The following LIMS2 variants were observed in gnomAD, a reference collection of about 807,000 sequenced individuals.
LIMS2 encodes LIM and senescent cell antigen-like-containing domain protein 2.
Under a neutral mutation model 45.3 loss-of-function variants are expected in LIMS2, and 30 were observed. The ratio of observed to expected loss-of-function variants is 0.66; its 90% confidence interval spans 0.50 to 0.90. The LOEUF (loss-of-function observed/expected upper bound fraction) is 0.90, where lower values mean the gene tolerates loss of function less well. LIMS2 is among the 40% of genes least tolerant of loss of function. The probability of loss-of-function intolerance (pLI) is 0.00; values close to 1 mark genes in which losing one functional copy is unlikely to be tolerated. For synonymous variants in LIMS2, 173 were observed against 188.0 expected, an observed-to-expected ratio of 0.92 and a Z score of 0.65; for missense variants, 485 against 468.7, an observed-to-expected ratio of 1.03 and a Z score of -0.32.
chr2:127,675,613 C>T (rs1685477248), upstream of LIMS2, among the ~76,000 whole-genome samples: 1 of 151,996 alleles, frequency 6.6e-6, no homozygotes, highest in Admixed American at 6.5e-5. Context: ...CACAGCCCCG[C>T]CGGGACGCCC....
chr2:127,658,934 T>C (rs760083790), intron 1 of LIMS2, among the ~76,000 whole-genome samples: 1 of 152,068 alleles, frequency 6.6e-6, no homozygotes, highest in Non-Finnish European at 1.5e-5. Flanking sequence ...CGCGACATCA[T>C]GAGGGAAATG....
At position 127,664,422 on chromosome 2, in the gene LIMS2, G is replaced by T; in HGVS notation, c.12-6860C>A. The T allele has an allele frequency of 2.5e-6, 3 of 1,192,790 alleles. No homozygotes were observed. The highest frequency in any genetic ancestry group is 3.1e-6 in the Non-Finnish European group (3 of 962,804). 73.9% of individuals were successfully genotyped at this position (1,192,790 alleles called of 1,614,324 possible). A position where few individuals can be genotyped will look rare whatever the true frequency, so the allele number is the denominator to read the frequency against. On this transcript the variant is annotated intron_variant, in intron 1 of 9. Transcript: ENST00000355119. This position sits in a 1 kb window ranked among gnomAD's most constrained non-coding sequence, Gnocchi z 5.5. ...GCAGCCGCCTTGAGGTCGCGGGCGC[G>T]GGCCGCCTGGTGCAGGGGCTATGGG... is the stretch of plus-strand genomic sequence containing the variant.
chr2:127,673,645 C>G, intron 1 of LIMS2: 1 of 1,548,822 alleles, frequency 6.5e-7, no homozygotes, highest in Non-Finnish European at 8.7e-7. Flanking sequence ...CTCGACATCC[C>G]TCCTGTGCCT....
In LIMS2 at chr2:127,672,805, G is replaced by T. The variant is rs951773639; in HGVS notation, c.11+2209C>A. On this transcript the variant is annotated intron_variant, in intron 1 of 9. Coordinates refer to ENST00000355119, the MANE Select transcript of LIMS2 (RefSeq NM_001161403.3). This position sits in a 1 kb window ranked among gnomAD's most constrained non-coding sequence, Gnocchi z 4.9. Reference sequence around the variant, plus strand: ...CACAGCCCTCCCTCTGCTCTTGCCTGGTGAGGTCCTAGGGAGAGCTGGCAG... The same window carrying T: ...CACAGCCCTCCCTCTGCTCTTGCCTTGTGAGGTCCTAGGGAGAGCTGGCAG... 1.1e-4 allele frequency among the ~76,000 whole-genome samples: 17 copies of T among 152,234 alleles called. No homozygotes were observed. The highest frequency in any genetic ancestry group is 1.9e-4 in the Non-Finnish European group (13 of 68,036).
chr2:127,650,783 C>T, intron 4 of LIMS2: 2 of 1,613,920 alleles, frequency 1.2e-6, no homozygotes, highest in South Asian at 2.2e-5. Flanking sequence ...CCAACTTCTC[C>T]CTGGCCACGG....
chr2:127,678,526 G>A (rs1685549352), upstream of LIMS2, among the ~76,000 whole-genome samples: 3 of 152,216 alleles, frequency 2.0e-5, no homozygotes, highest in South Asian at 6.2e-4. The surrounding 1 kb of genome is among the most constrained non-coding windows in gnomAD (Gnocchi z 5.3). Context: ...GAGCGTCCAG[G>A]AGGGACTGGT....
At chr2:127,660,339 G>A (rs1001710736) in intron 1 of LIMS2, among the ~76,000 whole-genome samples, 2 of 152,150 alleles carry the variant, frequency 1.3e-5, no homozygotes, top group African/African-American at 4.8e-5. Context: ...TGCTTGGTGT[G>A]GAAAGTTTGT....
At chr2:127,660,900 A>G (rs1004654245) in intron 1 of LIMS2, among the ~76,000 whole-genome samples, 1 of 126,788 alleles carries the variant, frequency 7.9e-6, no homozygotes, top group East Asian at 2.7e-4. Context: ...GGCCGACAGT[A>G]TCGCACAAAG....
Position 127,640,591 on chromosome 2 carries a change from C to T in LIMS2, c.754-273G>A, listed in dbSNP as rs552910455. 5 of 599,622 alleles carry T rather than the reference C, an allele frequency of 8.3e-6. No homozygotes were observed. The Admixed American group carries it at 8.8e-5, about 11-fold the overall frequency. 37.1% of individuals were successfully genotyped at this position (599,622 alleles called of 1,614,324 possible). ...AGGAGGTGGGCCCAGGTGGTGACTG[C>T]ATCCCACCAGCGCCCCCTGCCTTCT... On this transcript the variant is annotated intron_variant, in intron 7 of 9. Transcript: ENST00000355119.
chr2:127,663,315 C>T (rs1684797280), intron 1 of LIMS2, among the ~76,000 whole-genome samples: 1 of 152,210 alleles, frequency 6.6e-6, no homozygotes, highest in African/African-American at 2.4e-5. Flanking sequence ...CCCACCTGAA[C>T]AGCAGGCTGC....
Position 127,640,118 on chromosome 2 carries a change from C to A in LIMS2, c.830G>T (p.Cys277Phe). ...GGTGGAGCAGGAGAAGCAGCTCACACACCAGGCCTTGTTGAGGGCCGACAC... is the reference window on the plus strand; with the variant it reads ...GGTGGAGCAGGAGAAGCAGCTCACAAACCAGGCCTTGTTGAGGGCCGACAC... Reference protein sequence around the residue: ...DVVSALNKAWCVSCFSCSTCN... With the variant: ...DVVSALNKAWFVSCFSCSTCN... The change falls in exon 9 of 10, where the codon TGT becomes TTT. Residue 277 changes from cysteine (C) to phenylalanine (F), a missense_variant. Physicochemically the swap from Cys to Phe is radical, Grantham distance 205. Transcript: ENST00000355119. The A allele has an allele frequency of 1.9e-6, 3 of 1,613,508 alleles. No homozygotes were observed. Among genetic ancestry groups the A allele is most frequent in the South Asian group, 2.2e-5 (2 of 91,074 alleles).
chr2:127,678,381 T>C (rs1685546113), upstream of LIMS2, among the ~76,000 whole-genome samples: 1 of 151,978 alleles, frequency 6.6e-6, no homozygotes, highest in Non-Finnish European at 1.5e-5. This position sits in a 1 kb window ranked among gnomAD's most constrained non-coding sequence, Gnocchi z 5.3. Context: ...ATCTAGGTGG[T>C]GGGTATCTGG....
At chr2:127,645,155 T>C (rs1057322682) in intron 4 of LIMS2, among the ~76,000 whole-genome samples, 1 of 152,224 alleles carries the variant, frequency 6.6e-6, no homozygotes, top group African/African-American at 2.4e-5. Context: ...CTACTGTTTG[T>C]TGATGGGTGA....
At chr2:127,670,882 C>T (rs1164576437) in intron 1 of LIMS2, among the ~76,000 whole-genome samples, 1 of 152,212 alleles carries the variant, frequency 6.6e-6, no homozygotes, top group Non-Finnish European at 1.5e-5. Context: ...ATGAGTTTCC[C>T]GTGTATTCCT....
intron 6 of LIMS2, 184 bp from the exon 7 acceptor site, chr2:127,641,172 G>A (rs1682366977): frequency 1.7e-6 from 1 of 590,248 alleles, no homozygotes; most frequent in Admixed American, 2.8e-5. Context: ...AGGCCTTTCA[G>A]GATTCACACT....
chr2:127,674,751 G>C (rs1404201227), intron 1 of LIMS2: 1 of 985,290 alleles, frequency 1.0e-6, no homozygotes, highest in East Asian at 1.1e-4. Flanking sequence ...TCGGTTGTGA[G>C]CAGACGGCTG....
At chr2:127,658,839 G>A (rs529484090) in intron 1 of LIMS2, among the ~76,000 whole-genome samples, 2 of 152,316 alleles carry the variant, frequency 1.3e-5, no homozygotes, top group South Asian at 2.1e-4. Context: ...CAGCCGGGTG[G>A]TGGCAGGACT....
chr2:127,679,828 GA>G (rs1685578240), upstream of LIMS2, among the ~76,000 whole-genome samples: 1 of 152,138 alleles, frequency 6.6e-6, no homozygotes. The surrounding 1 kb of genome is among the most constrained non-coding windows in gnomAD (Gnocchi z 5.3). Flanking sequence ...TGACCACAGG[GA>G]ATGGAGAAGG....
At chr2:127,652,563 G>A (rs1683919653) in intron 4 of LIMS2, 2 of 166,794 alleles carry the variant, frequency 1.2e-5, no homozygotes, top group Non-Finnish European at 2.9e-5. Flanking sequence ...CCTTGCTAGT[G>A]TGCAGATATT....
Sources: allele counts gnomAD v4.1 joint callset (sites outside exome capture counted in the v4.1 genomes callset), GRCh38; gene constraint gnomAD v4.1.1; non-coding constraint Gnocchi (gnomAD v3.1); transcripts MANE v1.5; gene names NCBI Gene and HGNC (gene_info 2026-07-23, HGNC 2026-07-21).